Variants in GCC2 observed in about 807,000 individuals in gnomAD.
GCC2 encodes GRIP and coiled-coil domain-containing protein 2.
GCC2 carries 120 observed loss-of-function variants against 210.6 expected under a neutral mutation model. The ratio of observed to expected loss-of-function variants is 0.57; its 90% confidence interval spans 0.49 to 0.66. GCC2 has a LOEUF of 0.66. Among genes scored for constraint, GCC2 ranks in the 30% least tolerant of loss-of-function variants. The pLI, the probability that GCC2 is intolerant of heterozygous loss-of-function variation, is 0.00. For missense variants in GCC2, 1,868 were observed against 1,871.9 expected (o/e 1.00, Z 0.04); for synonymous variants, 703 against 652.7 (o/e 1.08, Z -1.17).
rs1681051573 is a variant in GCC2, at chr2:108,469,097, T to G, written c.321+13T>G. On this transcript the variant is annotated intron_variant, in intron 5 of 22. Transcript: ENST00000309863. ...GCAAGAGGTTGAGGTAAGTCAATAT[T>G]TTAGTGTTCTTTTCTTTTTTATTAA... 1 of 1,463,302 alleles carries G rather than the reference T, an allele frequency of 6.8e-7. No individual in the cohort carries two copies. Among genetic ancestry groups the G allele is most frequent in the African/African-American group, 1.4e-5 (1 of 71,728 alleles). 90.6% of individuals were successfully genotyped at this position (1,463,302 alleles called of 1,614,324 possible). A position where few individuals can be genotyped will look rare whatever the true frequency, so the allele number is the denominator to read the frequency against.
chr2:108,480,662 A>G (rs1681804349), intron 9 of GCC2, among the ~76,000 whole-genome samples: 1 of 152,230 alleles, frequency 6.6e-6, no homozygotes, highest in Non-Finnish European at 1.5e-5. Context: ...GGAAAACTAA[A>G]TACCACATGT....
At chr2:108,476,736 C>A (rs569302805) in intron 9 of GCC2, among the ~76,000 whole-genome samples, 2 of 152,244 alleles carry the variant, frequency 1.3e-5, no homozygotes, top group African/African-American at 4.8e-5. Context: ...GGCAGACTGA[C>A]TTCTGAGTTC....
Position 108,472,035 on chromosome 2 carries a change from T to C in GCC2, c.2706T>C (p.Phe902=). The C allele has an allele frequency of 2.5e-6, 4 of 1,593,864 alleles. No homozygotes were observed. The highest frequency in any genetic ancestry group is 3.4e-6 in the Non-Finnish European group (4 of 1,174,274). ...TCCATAATGAAAAAGAAAAATGTTT[T>C]ATAAAGGAACATGAAAACCTAAAGC... The part of the protein sequence containing the change: ...SEIHNEKEKC[F]IKEHENLKPL... Residue 902 remains phenylalanine, a synonymous_variant, in exon 6 of 23, where the codon TTT becomes TTC. Transcript: ENST00000309863.
chr2:108,453,482 C>T (rs924484577), intron 4 of GCC2, among the ~76,000 whole-genome samples: 2 of 152,170 alleles, frequency 1.3e-5, no homozygotes, highest in East Asian at 1.9e-4. Context: ...TTTTATTCCC[C>T]GTTTAAAAAC....
chr2:108,463,066 T>C (rs185736893), intron 4 of GCC2, among the ~76,000 whole-genome samples: 12 of 152,276 alleles, frequency 7.9e-5, no homozygotes, highest in Admixed American at 3.9e-4. Flanking sequence ...TGATATCTAT[T>C]CTCTGGTAAA....
intron 9 of GCC2, among the ~76,000 whole-genome samples, chr2:108,480,030 G>T (rs1386504191): frequency 6.9e-6 from 1 of 145,626 alleles, no homozygotes; most frequent in Non-Finnish European, 1.5e-5. Context: ...CACCAGAGAA[G>T]CCTGCGGAGG....
intron 22 of GCC2, 153 bp from the exon 23 acceptor site, chr2:108,507,407 C>G: frequency 3.3e-6 from 1 of 298,882 alleles, no homozygotes; most frequent in African/African-American, 3.4e-5. Context: ...AAAAAAGAAC[C>G]CCCCCCCCCA....
chr2:108,482,833 T>G (rs1265385888), intron 11 of GCC2, among the ~76,000 whole-genome samples: 1 of 151,952 alleles, frequency 6.6e-6, no homozygotes, highest in Non-Finnish European at 1.5e-5. Context: ...CTCACCACCA[T>G]GCCCAGCTAA....
chr2:108,491,781 A>ATTTT (rs775057900), intron 18 of GCC2, among the ~76,000 whole-genome samples: 1 of 145,646 alleles, frequency 6.9e-6, no homozygotes, highest in Non-Finnish European at 1.5e-5. Flanking sequence ...TTATTTATTT[A>ATTTT]TTTATTTTTT....
chr2:108,499,254 A>C (rs878867237), intron 21 of GCC2, among the ~76,000 whole-genome samples: 12 of 152,136 alleles, frequency 7.9e-5, no homozygotes, highest in African/African-American at 1.9e-4. Flanking sequence ...CAGTGGAGTT[A>C]TATAGCCCAA....
At chr2:108,469,332 A>C in intron 5 of GCC2, 1 of 421,656 alleles carries the variant, frequency 2.4e-6, no homozygotes, top group Non-Finnish European at 4.2e-6. Context: ...AGCGAAAAAA[A>C]GTAAGTTGAT....
chr2:108,453,909 G>A (rs1680099858), intron 4 of GCC2, among the ~76,000 whole-genome samples: 1 of 151,892 alleles, frequency 6.6e-6, no homozygotes, highest in Admixed American at 6.6e-5. Context: ...CTTCTGTAAA[G>A]TTTCTTTTAC....
Position 108,470,074 on chromosome 2 carries a change from C to G in GCC2, c.745C>G (p.Gln249Glu). 1 of 1,613,464 alleles carries G rather than the reference C, an allele frequency of 6.2e-7. No individual in the cohort carries two copies. ...EELLQLKAIH[Q>E]EEVKELMCQI... ...GCTTTTACAGTTGAAAGCTATACAC[C>G]AAGAAGAGGTGAAAGAGTTGATGTG... is the stretch of plus-strand genomic sequence containing the variant. The change falls in exon 6 of 23, where the codon CAA becomes GAA. Residue 249 changes from glutamine (Q) to glutamate (E), a missense_variant. By Grantham distance (29) the Gln-to-Glu change is conservative. Transcript: ENST00000309863.
chr2:108,501,652 C>T, intron 22 of GCC2, among the ~76,000 whole-genome samples: 2 of 151,966 alleles, frequency 1.3e-5, no homozygotes. Context: ...ATTGAGCAGG[C>T]ATCTGAATCA....
At chr2:108,479,922 C>T (rs889732843) in intron 9 of GCC2, among the ~76,000 whole-genome samples, 1 of 142,158 alleles carries the variant, frequency 7.0e-6, no homozygotes, top group South Asian at 2.2e-4. Context: ...GCGAAGGCTG[C>T]AGTAAGCCAA....
chr2:108,456,105 G>A (rs185116141), intron 4 of GCC2, among the ~76,000 whole-genome samples: 19 of 152,128 alleles, frequency 1.2e-4, no homozygotes, highest in East Asian at 9.7e-4. Context: ...CTGCCTCAGC[G>A]TCCTGAGTAG....
chr2:108,482,926 C>G lies in GCC2; in HGVS notation c.3346-136C>G. On this transcript the variant is annotated intron_variant, in intron 11 of 22. Transcript: ENST00000309863. ...CAATCTCCTGACCTTGTGATCCACC[C>G]GCCTCGGCCTCCCAAAGTGCTGGGA... 5.0e-6 allele frequency: 3 copies of G among 601,392 alleles called. No homozygotes were observed. The South Asian group carries it at 5.1e-5, about 10-fold the overall frequency. 37.3% of individuals were successfully genotyped at this position (601,392 alleles called of 1,614,324 possible).
chr2:108,506,192 T>C (rs1025237978), intron 22 of GCC2, among the ~76,000 whole-genome samples: 3 of 152,230 alleles, frequency 2.0e-5, no homozygotes, highest in African/African-American at 4.8e-5. Context: ...ATAGAAACTT[T>C]CTTTAAAATT....
At chr2:108,486,430 TA>T in intron 15 of GCC2, 80 bp from the exon 16 acceptor site, 1 of 1,384,602 alleles carries the variant, frequency 7.2e-7, no homozygotes, top group Non-Finnish European at 1.0e-6. Flanking sequence ...GTCTCAAACC[TA>T]AAGTTTGTAT....
Sources: allele counts gnomAD v4.1 joint callset (sites outside exome capture counted in the v4.1 genomes callset), GRCh38; gene constraint gnomAD v4.1.1; transcripts MANE v1.5; gene names NCBI Gene and HGNC (gene_info 2026-07-23, HGNC 2026-07-21).